GRM7: variants seen among roughly 807,000 people sequenced by gnomAD.
GRM7 encodes the protein metabotropic glutamate receptor 7.
A neutral mutation model predicts 84.5 loss-of-function variants in GRM7; 35 were observed. The observed-to-expected ratio is 0.41, with a 90% CI of 0.32 to 0.55. The LOEUF (loss-of-function observed/expected upper bound fraction) is 0.55, where lower values mean the gene tolerates loss of function less well. Among genes scored for constraint, GRM7 ranks in the 20% least tolerant of loss-of-function variants. The probability of loss-of-function intolerance (pLI) is 0.19; values close to 1 mark genes in which losing one functional copy is unlikely to be tolerated. For missense variants in GRM7, 1,003 were observed against 1,194.6 expected (o/e 0.84, Z 2.36); for synonymous variants, 487 against 455.1 (o/e 1.07, Z -0.89).
chr3:7,068,127 T>A (rs1261586750), intron 1 of GRM7, among the ~76,000 whole-genome samples: 1 of 151,924 alleles, frequency 6.6e-6, no homozygotes, highest in Non-Finnish European at 1.5e-5. Context: ...GGAGATTGCA[T>A]GGAAATGAAA....
chr3:7,468,380 T>G (rs1698548378), intron 7 of GRM7, among the ~76,000 whole-genome samples: 1 of 152,234 alleles, frequency 6.6e-6, no homozygotes, highest in South Asian at 2.1e-4. Flanking sequence ...AAAGCTGAAC[T>G]GATTAAATGG....
intron 1 of GRM7, among the ~76,000 whole-genome samples, chr3:6,995,058 ACG>A (rs1553604826): frequency 0.43 from 65,241 of 151,480 alleles, 14,881 homozygotes; most frequent in Middle Eastern, 0.51. Flanking sequence ...CACTTTCCAC[ACG>A]CTCTTATTCA....
intron 7 of GRM7, among the ~76,000 whole-genome samples, chr3:7,506,096 T>C (rs924913461): frequency 1.1e-4 from 16 of 152,188 alleles, no homozygotes; most frequent in African/African-American, 3.9e-4. Context: ...GGTTTGTAGC[T>C]TAGCTATTTT....
chr3:7,579,085 A>G lies in GRM7; in HGVS notation c.2179A>G (p.Asn727Asp). The change falls in exon 8 of 10, where the codon AAC becomes GAC. Residue 727 changes from asparagine to aspartate, a missense_variant. Coordinates refer to ENST00000357716, the MANE Select transcript of GRM7 (RefSeq NM_000844.4). ...VFIWFGVDPP[N>D]IIIDYDEHKT... is the part of the protein sequence containing the mutation. ...CATTTGGTTTGGTGTTGATCCACCCAACATCATCATAGACTATGATGAACA... is the reference window on the plus strand; with the variant it reads ...CATTTGGTTTGGTGTTGATCCACCCGACATCATCATAGACTATGATGAACA... 1 of 1,614,044 alleles carries G rather than the reference A, an allele frequency of 6.2e-7. No homozygotes were observed. The highest frequency in any genetic ancestry group is 2.2e-5 in the East Asian group (1 of 44,874).
At chr3:7,101,516 AT>A (rs1347007035) in intron 1 of GRM7, among the ~76,000 whole-genome samples, 2 of 151,346 alleles carry the variant, frequency 1.3e-5, no homozygotes, top group African/African-American at 2.4e-5. Context: ...TTTTGCATTT[AT>A]TTTGTACTCA....
At chr3:6,939,476 A>C (rs192273959) in intron 1 of GRM7, among the ~76,000 whole-genome samples, 1 of 152,272 alleles carries the variant, frequency 6.6e-6, no homozygotes, top group Admixed American at 6.5e-5. Flanking sequence ...TTTTGGGCAC[A>C]GAGGAATAGT....
intron 1 of GRM7, among the ~76,000 whole-genome samples, chr3:7,145,135 G>C (rs73811615): frequency 2.1e-4 from 32 of 152,188 alleles, no homozygotes; most frequent in African/African-American, 7.5e-4. Context: ...TTCAGGGCTC[G>C]AGGAATCAAC....
At chr3:7,521,567 C>T (rs150157043) in intron 7 of GRM7, among the ~76,000 whole-genome samples, 2 of 152,244 alleles carry the variant, frequency 1.3e-5, no homozygotes, top group African/African-American at 4.8e-5. Flanking sequence ...TTTGGACTTC[C>T]CAACCTTTGG....
intron 8 of GRM7, among the ~76,000 whole-genome samples, chr3:7,656,514 TAA>T (rs374617506): frequency 7.6e-5 from 8 of 104,736 alleles, no homozygotes; most frequent in African/African-American, 1.2e-4. Context: ...AACAAACAAA[TAA>T]AAAAAAATAT....
At chr3:7,453,804 G>A (rs1575359351) in intron 6 of GRM7, among the ~76,000 whole-genome samples, 1 of 152,084 alleles carries the variant, frequency 6.6e-6, no homozygotes, top group African/African-American at 2.4e-5. Context: ...ATACTAATAG[G>A]CTAAGCGGGA....
In GRM7 at chr3:6,975,206, A is replaced by G. The variant is rs578048670; in HGVS notation, c.519+113299A>G. ...TTCTATTTTCTCAGTAAAAATTCCC[A>G]ATCGGATAATGAGGTCTTAGAAGAG... On this transcript the variant is annotated intron_variant, in intron 1 of 9. Coordinates refer to ENST00000357716, the MANE Select transcript of GRM7 (RefSeq NM_000844.4). Among the ~76,000 whole-genome samples, 228 of 152,280 alleles carry G rather than the reference A, an allele frequency of 1.5e-3. 3 individuals are homozygous for G. The highest frequency in any genetic ancestry group is 5.0e-3 in the South Asian group (24 of 4,818).
chr3:7,673,464 T>A (rs1375580338), intron 8 of GRM7, among the ~76,000 whole-genome samples: 1 of 150,756 alleles, frequency 6.6e-6, no homozygotes, highest in Non-Finnish European at 1.5e-5. Flanking sequence ...AACACAGGAC[T>A]TACAGGAAAC....
chr3:6,997,858 G>A (rs1575113089), intron 1 of GRM7, among the ~76,000 whole-genome samples: 1 of 151,992 alleles, frequency 6.6e-6, no homozygotes, highest in African/African-American at 2.4e-5. Flanking sequence ...AGGGCCAGGT[G>A]TCTGTAATCC....
chr3:7,206,360 T>C (rs906131101), intron 2 of GRM7, among the ~76,000 whole-genome samples: 4 of 152,206 alleles, frequency 2.6e-5, no homozygotes, highest in Admixed American at 6.5e-5. Flanking sequence ...TAACTGTTGC[T>C]AATTCATTAA....
chr3:7,390,890 T>G (rs977160247), intron 4 of GRM7, among the ~76,000 whole-genome samples: 1 of 152,210 alleles, frequency 6.6e-6, no homozygotes, highest in Non-Finnish European at 1.5e-5. Context: ...TGAGAGCTAC[T>G]GGGATCCTTT....
chr3:7,732,253 T>C (rs1443152068), intron 9 of GRM7, among the ~76,000 whole-genome samples: 1 of 152,192 alleles, frequency 6.6e-6, no homozygotes, highest in African/African-American at 2.4e-5. Flanking sequence ...GGCTTCTCTA[T>C]GGTAACACAT....
intron 1 of GRM7, among the ~76,000 whole-genome samples, chr3:7,078,853 G>A (rs200156718): frequency 1.4e-5 from 2 of 143,040 alleles, no homozygotes; most frequent in South Asian, 4.5e-4. Context: ...CTCTGAGTTT[G>A]TTTTTTTTTT....
At chr3:7,159,444 G>A (rs1694555185) in intron 2 of GRM7, among the ~76,000 whole-genome samples, 1 of 152,154 alleles carries the variant, frequency 6.6e-6, no homozygotes, top group Non-Finnish European at 1.5e-5. Flanking sequence ...AAAGAGATGA[G>A]CCTGGGAGGG....
intron 8 of GRM7, among the ~76,000 whole-genome samples, chr3:7,625,726 G>T (rs1460930574): frequency 2.0e-5 from 3 of 152,160 alleles, no homozygotes; most frequent in Non-Finnish European, 4.4e-5. Context: ...GTCTGCTTCT[G>T]CCCTGACTTC....
Sources: allele counts gnomAD v4.1 joint callset (sites outside exome capture counted in the v4.1 genomes callset), GRCh38; gene constraint gnomAD v4.1.1; transcripts MANE v1.5; gene names NCBI Gene and HGNC (gene_info 2026-07-23, HGNC 2026-07-21).